Variants in ATP10B observed in about 807,000 individuals in gnomAD.
ATP10B encodes the protein ATPase phospholipid transporting 10B (putative).
In ATP10B, 122 loss-of-function variants were observed where a neutral mutation model predicts 141.2. The observed-to-expected ratio is 0.86, with a 90% CI of 0.75 to 1.00. The LOEUF (loss-of-function observed/expected upper bound fraction) is 1.00, where lower values mean the gene tolerates loss of function less well. ATP10B is among the 50% of genes least tolerant of loss of function. The probability of loss-of-function intolerance (pLI) is 0.00; values close to 1 mark genes in which losing one functional copy is unlikely to be tolerated. For synonymous variants in ATP10B, 685 were observed against 692.0 expected (o/e 0.99, Z 0.16); for missense variants, 1,876 against 1,825.3 (o/e 1.03, Z -0.51).
At chr5:160,619,007 G>A (rs550890119) in intron 15 of ATP10B, among the ~76,000 whole-genome samples, 8 of 152,186 alleles carry the variant, frequency 5.3e-5, no homozygotes, top group African/African-American at 1.9e-4. Flanking sequence ...CTACTCCAAG[G>A]CTGTTTTTAT....
chr5:160,836,690 C>T (rs1236170326), intron 1 of ATP10B, among the ~76,000 whole-genome samples: 1 of 152,126 alleles, frequency 6.6e-6, no homozygotes, highest in Non-Finnish European at 1.5e-5. Flanking sequence ...CCAGCAAGTT[C>T]AGGGTTTCAT....
At chr5:160,749,949 C>T (rs997356394) in intron 2 of ATP10B, among the ~76,000 whole-genome samples, 4 of 152,170 alleles carry the variant, frequency 2.6e-5, no homozygotes, top group Non-Finnish European at 4.4e-5. Context: ...TTGAACTCCA[C>T]AACAGCTAAG....
At chr5:160,670,837 A>T (rs530281900) in intron 6 of ATP10B, among the ~76,000 whole-genome samples, 170 bp from the exon 7 acceptor site, 16 of 152,200 alleles carry the variant, frequency 1.1e-4, no homozygotes, top group African/African-American at 3.9e-4. Context: ...ATCTCTCTAG[A>T]ATAGCTAGGC....
At chr5:160,675,494 C>CT (rs1206174900) in intron 6 of ATP10B, among the ~76,000 whole-genome samples, 1 of 152,150 alleles carries the variant, frequency 6.6e-6, no homozygotes, top group Non-Finnish European at 1.5e-5. Flanking sequence ...GGAGAGGATG[C>CT]TGAAGGCTCC....
At chr5:160,816,542 C>G (rs1289058044) in intron 1 of ATP10B, among the ~76,000 whole-genome samples, 4 of 152,182 alleles carry the variant, frequency 2.6e-5, no homozygotes, top group South Asian at 4.2e-4. Context: ...TCCAGGACCA[C>G]ATGGATTCAC....
chr5:160,886,958 T>C, the ATP10B span, among the ~76,000 whole-genome samples: 2 of 152,240 alleles, frequency 1.3e-5, no homozygotes, highest in Non-Finnish European at 2.9e-5. Context: ...GCAGGAAATG[T>C]ATTCCTGGGT....
intron 24 of ATP10B, among the ~76,000 whole-genome samples, chr5:160,576,226 G>T (rs900847844): frequency 7.2e-5 from 11 of 152,158 alleles, no homozygotes; most frequent in Non-Finnish European, 1.3e-4. Context: ...TCAGTCAGGG[G>T]AGAAGAGTTA....
At chr5:160,752,884 G>A (rs1217551471) in intron 2 of ATP10B, among the ~76,000 whole-genome samples, 1 of 152,204 alleles carries the variant, frequency 6.6e-6, no homozygotes. Context: ...ATCATGGGGT[G>A]TGTGGGGTTT....
At chr5:160,627,200 G>A (rs896368210) in intron 13 of ATP10B, among the ~76,000 whole-genome samples, 1 of 152,036 alleles carries the variant, frequency 6.6e-6, no homozygotes, top group African/African-American at 2.4e-5. Context: ...ACCTTTCCAG[G>A]AAGCTTCCTT....
At chr5:160,789,184 T>C (rs1771391544) in intron 1 of ATP10B, among the ~76,000 whole-genome samples, 1 of 152,142 alleles carries the variant, frequency 6.6e-6, no homozygotes, top group Admixed American at 6.5e-5. Flanking sequence ...AGGCTGGGAA[T>C]TCAGTTTGAC....
chr5:160,758,136 G>A (rs1177137814), intron 2 of ATP10B, among the ~76,000 whole-genome samples: 1 of 152,176 alleles, frequency 6.6e-6, no homozygotes, highest in Admixed American at 6.5e-5. Context: ...TAGGGTGGGA[G>A]TAGTGGTGAA....
chr5:160,781,691 A>G (rs1351051020), intron 2 of ATP10B, among the ~76,000 whole-genome samples: 1 of 152,192 alleles, frequency 6.6e-6, no homozygotes, highest in Non-Finnish European at 1.5e-5. Flanking sequence ...GAACCCATCC[A>G]TTTTGCAATC....
At chr5:160,691,280 A>T (rs146015786) in intron 3 of ATP10B, among the ~76,000 whole-genome samples, 127 of 152,228 alleles carry the variant, frequency 8.3e-4, no homozygotes, top group African/African-American at 2.9e-3. Flanking sequence ...GGGTGCAGAA[A>T]ACTACCATGG....
chr5:160,893,354 G>C, the ATP10B span, among the ~76,000 whole-genome samples: 1 of 152,150 alleles, frequency 6.6e-6, no homozygotes, highest in East Asian at 1.9e-4. Flanking sequence ...GCTTGAGCTT[G>C]GTGGGGGGAG....
At chr5:160,697,082 A>C (rs1289937032) in intron 3 of ATP10B, among the ~76,000 whole-genome samples, 1 of 152,248 alleles carries the variant, frequency 6.6e-6, no homozygotes, top group Non-Finnish European at 1.5e-5. Context: ...TCCACATTTT[A>C]ATAAATTTTT....
At chr5:160,772,475 CT>C (rs1013465304) in intron 2 of ATP10B, among the ~76,000 whole-genome samples, 1 of 152,200 alleles carries the variant, frequency 6.6e-6, no homozygotes, top group African/African-American at 2.4e-5. Flanking sequence ...AGTTCCCAAC[CT>C]TTTGGCATCA....
chr5:160,866,866 A>AC, the ATP10B span, among the ~76,000 whole-genome samples: 891 of 152,030 alleles, frequency 5.9e-3, 12 homozygotes, highest in African/African-American at 0.02. Flanking sequence ...ACCCACCTGT[A>AC]CCCCCCAAAC....
At chr5:160,661,508 T>C (rs1030708048) in intron 7 of ATP10B, among the ~76,000 whole-genome samples, 5 of 152,156 alleles carry the variant, frequency 3.3e-5, no homozygotes, top group African/African-American at 1.2e-4. Flanking sequence ...AAATGAAATA[T>C]TGAAGATCTG....
intron 2 of ATP10B, among the ~76,000 whole-genome samples, chr5:160,764,050 T>C (rs903931385): frequency 2.0e-5 from 3 of 152,090 alleles, no homozygotes; most frequent in African/African-American, 4.8e-5. Context: ...AGTAGCATGA[T>C]TGAAACAGTA....
Sources: allele counts gnomAD v4.1 joint callset (sites outside exome capture counted in the v4.1 genomes callset), GRCh38; gene constraint gnomAD v4.1.1; transcripts MANE v1.5; gene names NCBI Gene and HGNC (gene_info 2026-07-23, HGNC 2026-07-21).